The following SLC6A3 variants were observed in gnomAD, a reference collection of about 807,000 sequenced individuals.
The protein encoded by SLC6A3 is solute carrier family 6 member 3, also known as sodium-dependent dopamine transporter.
In SLC6A3, 19 loss-of-function variants were observed where a neutral mutation model predicts 70.4. The ratio of observed to expected loss-of-function variants is 0.27; its 90% confidence interval spans 0.19 to 0.40. SLC6A3 has a LOEUF of 0.40. Ranked by LOEUF, SLC6A3 falls within the 10% of genes least tolerant of loss-of-function variation. The pLI, the probability that SLC6A3 is intolerant of heterozygous loss-of-function variation, is 1.00. For missense variants in SLC6A3, 613 were observed against 838.5 expected, an observed-to-expected ratio of 0.73 and a Z score of 3.32; for synonymous variants, 368 against 356.6, an observed-to-expected ratio of 1.03 and a Z score of -0.36.
rs1201281477 is a variant in SLC6A3, at chr5:1,396,820, C to T, written c.1840-2062G>A. ...TCAGTAGGGGTTGGTTAGGGCTACA[C>T]CAAATGCTGAAGCCAAATAATACAC... is the stretch of plus-strand genomic sequence containing the variant. On this transcript the variant is annotated intron_variant, in intron 14 of 14. Transcript: ENST00000270349. The surrounding 1 kb of genome is among the most constrained non-coding windows in gnomAD (Gnocchi z 7.0). Among the ~76,000 whole-genome samples the T allele has an allele frequency of 1.3e-5, 2 of 152,092 alleles. No homozygotes were observed. The highest frequency in any genetic ancestry group is 2.4e-5 in the African/African-American group (1 of 41,416).
rs189268840 is a variant in SLC6A3 at position 1,431,322 on chromosome 5, G to A, written c.653+1142C>T. On this transcript the variant is annotated intron_variant, in intron 4 of 14. Coordinates refer to ENST00000270349, the MANE Select transcript of SLC6A3 (RefSeq NM_001044.5). ...GCACGGGGCCCAAAAGGACTTCATC[G>A]GAGACATCGGGGTCCAGGAAAGCAG... Among the ~76,000 whole-genome samples, 13 of 152,360 alleles carry A rather than the reference G, an allele frequency of 8.5e-5. No individual in the cohort carries two copies. In the East Asian group the frequency reaches 1.4e-3, roughly 16 times the overall value.
rs1733697255 is a variant in SLC6A3 at position 1,442,471 on chromosome 5, G to A, written c.286+441C>T. 6.6e-6 allele frequency among the ~76,000 whole-genome samples: 1 copy of A among 152,212 alleles called. No homozygotes were observed. Among genetic ancestry groups the A allele is most frequent in the African/African-American group, 2.4e-5 (1 of 41,462 alleles). On this transcript the variant is annotated intron_variant, in intron 2 of 14. Transcript: ENST00000270349. The surrounding 1 kb of genome is among the most constrained non-coding windows in gnomAD (Gnocchi z 5.0). ...GCTCTGTGGCTGGGTTCTGGAGGGT[G>A]CAGGGGACACAGTCACTTTCCAGGG...
Position 1,411,275 on chromosome 5 carries a change from TGAA to T in SLC6A3, c.1234_1236del (p.Phe412del). 1 of 1,553,960 alleles carries T rather than the reference TGAA, an allele frequency of 6.4e-7. No homozygotes were observed. Among genetic ancestry groups the T allele is most frequent in the Non-Finnish European group, 8.7e-7 (1 of 1,148,566 alleles). On this transcript the variant is annotated inframe_deletion, in exon 9 of 15. Coordinates refer to ENST00000270349, the MANE Select transcript of SLC6A3 (RefSeq NM_001044.5). The surrounding 1 kb of genome is among the most constrained non-coding windows in gnomAD (Gnocchi z 6.5). ...TCGATACCCAGGGTGAGCAGCATGA[TGAA>T]GAAGACCACGGCCCAGGCTGAGGAC...
intron 14 of SLC6A3, among the ~76,000 whole-genome samples, chr5:1,395,251 G>A (rs1012560239): frequency 1.3e-5 from 2 of 152,232 alleles, no homozygotes; most frequent in Non-Finnish European, 2.9e-5. Context: ...GGGCGCAAGT[G>A]CAGCGTGTAC....
rs1349432463 is a variant in SLC6A3 at position 1,405,678 on chromosome 5, G to A, written c.1599+510C>T. On this transcript the variant is annotated intron_variant, in intron 12 of 14. Coordinates refer to ENST00000270349, the MANE Select transcript of SLC6A3 (RefSeq NM_001044.5). This position sits in a 1 kb window ranked among gnomAD's most constrained non-coding sequence, Gnocchi z 5.3. ...CACCAGCGTCCGACGGCCTTGCCCG[G>A]TGGGCCCTGACTCGGTGGCGGATGA... Among the ~76,000 whole-genome samples the A allele has an allele frequency of 6.6e-6, 1 of 152,238 alleles. No homozygotes were observed. The highest frequency in any genetic ancestry group is 1.5e-5 in the Non-Finnish European group (1 of 68,044).
In SLC6A3 at chr5:1,421,616, C is replaced by T. The variant is rs1756437554; in HGVS notation, c.792+260G>A. ...CACGTGTCCCCCCACCCACCCATGG[C>T]CGCGCGTCTACCCAAGCCAACCCGG... On this transcript the variant is annotated intron_variant, in intron 5 of 14. Coordinates refer to ENST00000270349, the MANE Select transcript of SLC6A3 (RefSeq NM_001044.5). The surrounding 1 kb of genome is among the most constrained non-coding windows in gnomAD (Gnocchi z 7.2). Among the ~76,000 whole-genome samples, 1 of 150,908 alleles carries T rather than the reference C, an allele frequency of 6.6e-6. No homozygotes were observed. Among genetic ancestry groups the T allele is most frequent in the African/African-American group, 2.4e-5 (1 of 40,956 alleles).
chr5:1,397,168 CAGAA>C lies in SLC6A3; in HGVS notation c.1840-2414_1840-2411del, dbSNP rs1255589457. Among the ~76,000 whole-genome samples the C allele has an allele frequency of 6.6e-6, 1 of 152,172 alleles. No individual in the cohort carries two copies. Among genetic ancestry groups the C allele is most frequent in the Non-Finnish European group, 1.5e-5 (1 of 68,036 alleles). ...CACCAGAGCCTCATAATGGAAAACA[CAGAA>C]AGGCAGAAGGCAATCTTTCAGTGTG... On this transcript the variant is annotated intron_variant, in intron 14 of 14. Coordinates refer to ENST00000270349, the MANE Select transcript of SLC6A3 (RefSeq NM_001044.5). The surrounding 1 kb of genome is among the most constrained non-coding windows in gnomAD (Gnocchi z 4.7).
intron 4 of SLC6A3, among the ~76,000 whole-genome samples, chr5:1,430,953 C>G (rs1172873661): frequency 6.6e-6 from 1 of 152,230 alleles, no homozygotes; most frequent in African/African-American, 2.4e-5. Flanking sequence ...TTGAAGTGGA[C>G]TCATTTTGGC....
chr5:1,433,712 T>C (rs1167386013), intron 3 of SLC6A3, among the ~76,000 whole-genome samples: 1 of 150,860 alleles, frequency 6.6e-6, no homozygotes, highest in Non-Finnish European at 1.5e-5. Context: ...TCCACAACTA[T>C]CCATGGTCAT....
rs1756828183 is a variant in SLC6A3, at chr5:1,436,082, CCTGGGCACCTGGGTG to C, written c.419-3399_419-3385del. On this transcript the variant is annotated intron_variant, in intron 3 of 14. Coordinates refer to ENST00000270349, the MANE Select transcript of SLC6A3 (RefSeq NM_001044.5). This position sits in a 1 kb window ranked among gnomAD's most constrained non-coding sequence, Gnocchi z 5.2. ...TGGCCAGTCCCCTCCTGGATGCTTCCCTGGGCACCTGGGTGAGGAAATGGCTCCCTTGAACGGTAG... is the reference window on the plus strand; with the variant it reads ...TGGCCAGTCCCCTCCTGGATGCTTCCAGGAAATGGCTCCCTTGAACGGTAG... Among the ~76,000 whole-genome samples, 1 of 151,614 alleles carries C rather than the reference CCTGGGCACCTGGGTG, an allele frequency of 6.6e-6. No individual in the cohort carries two copies.
chr5:1,418,309 T>G (rs1052854725), intron 6 of SLC6A3, among the ~76,000 whole-genome samples: 2 of 152,180 alleles, frequency 1.3e-5, no homozygotes, highest in African/African-American at 4.8e-5. Flanking sequence ...TCATGCACTT[T>G]CACTCCAGGA....
rs940431713 is a variant in SLC6A3 at position 1,425,342 on chromosome 5, G to A, written c.654-3328C>T. On this transcript the variant is annotated intron_variant, in intron 4 of 14. Coordinates refer to ENST00000270349, the MANE Select transcript of SLC6A3 (RefSeq NM_001044.5). ...AAAGGATAAAATTGTGCCAAAGCAC[G>A]TTAACTTCCTATTAGAACAAATCTA... is the stretch of plus-strand genomic sequence containing the variant. Among the ~76,000 whole-genome samples the A allele has an allele frequency of 9.2e-5, 14 of 152,344 alleles. No individual in the cohort carries two copies. In the East Asian group the frequency reaches 1.4e-3, roughly 15 times the overall value.
chr5:1,428,033 C>G (rs1288142507), intron 4 of SLC6A3, among the ~76,000 whole-genome samples: 2 of 151,956 alleles, frequency 1.3e-5, no homozygotes, highest in East Asian at 1.9e-4. Flanking sequence ...CAACCAAAGA[C>G]AGCAGAATAC....
chr5:1,431,615 G>T (rs372012327), intron 4 of SLC6A3, among the ~76,000 whole-genome samples: 14 of 151,482 alleles, frequency 9.2e-5, no homozygotes, highest in African/African-American at 2.9e-4. Context: ...GGGCCTGGCC[G>T]GGGTGGACGG....
In SLC6A3 at chr5:1,401,345, C is replaced by T; in HGVS notation, c.1768-359G>A. The T allele has an allele frequency of 2.0e-6, 1 of 506,350 alleles. No individual in the cohort carries two copies. Among genetic ancestry groups the T allele is most frequent in the South Asian group, 1.6e-5 (1 of 63,452 alleles). 31.4% of individuals were successfully genotyped at this position (506,350 alleles called of 1,614,324 possible). A position where few individuals can be genotyped will look rare whatever the true frequency, so the allele number is the denominator to read the frequency against. ...GTGCTGGGCTCTGAGTAAGAAAGTG[C>T]CCACACCCAGGTGGGCTGCCTCGGG... On this transcript the variant is annotated intron_variant, in intron 13 of 14. Transcript: ENST00000270349. The surrounding 1 kb of genome is among the most constrained non-coding windows in gnomAD (Gnocchi z 6.1).
At chr5:1,418,326 A>G (rs998173971) in intron 6 of SLC6A3, among the ~76,000 whole-genome samples, 1 of 152,070 alleles carries the variant, frequency 6.6e-6, no homozygotes, top group Admixed American at 6.5e-5. Context: ...AGGACCTGCA[A>G]TTGTCCTTTC....
rs1756171283 is a variant in SLC6A3, at chr5:1,413,342, C to A, written c.1156+1349G>T. Among the ~76,000 whole-genome samples the A allele has an allele frequency of 6.6e-6, 1 of 152,232 alleles. No individual in the cohort carries two copies. Among genetic ancestry groups the A allele is most frequent in the Non-Finnish European group, 1.5e-5 (1 of 68,046 alleles). ...GCCCACCTCTGAGCTGTGGCTCCAGCCCCGACCCTGGCTTTCTGTTGCAAG... is the reference window on the plus strand; with the variant it reads ...GCCCACCTCTGAGCTGTGGCTCCAGACCCGACCCTGGCTTTCTGTTGCAAG... On this transcript the variant is annotated intron_variant, in intron 8 of 14. Coordinates refer to ENST00000270349, the MANE Select transcript of SLC6A3 (RefSeq NM_001044.5). The surrounding 1 kb of genome is among the most constrained non-coding windows in gnomAD (Gnocchi z 7.1).
intron 7 of SLC6A3, among the ~76,000 whole-genome samples, chr5:1,415,255 T>C (rs1442683785): frequency 5.9e-5 from 9 of 152,092 alleles, no homozygotes; most frequent in African/African-American, 1.4e-4. Flanking sequence ...GGCCCCACTC[T>C]GAGGGCTGAG....
At chr5:1,412,787 A>AGGGTGGACCCTGCGGTGCG (rs1756159633) in intron 8 of SLC6A3, among the ~76,000 whole-genome samples, 1 of 152,190 alleles carries the variant, frequency 6.6e-6, no homozygotes, top group Non-Finnish European at 1.5e-5. Flanking sequence ...TAAATAATCA[A>AGGGTGGACCCTGCGGTGCG]AGGCCAGAGC....
Sources: gnomAD v4.1 joint callset for allele counts (sites outside exome capture counted in the v4.1 genomes callset) on GRCh38, gnomAD v4.1.1 for gene constraint, Gnocchi (gnomAD v3.1) non-coding constraint, MANE v1.5 for transcripts, NCBI Gene and HGNC (gene_info 2026-07-23, HGNC 2026-07-21) for gene names.